ANK3: variants seen among roughly 807,000 people sequenced by gnomAD.
ANK3 encodes the protein ankyrin-3.
In ANK3, 57 loss-of-function variants were observed where a neutral mutation model predicts 370.9. That is an observed-to-expected ratio of 0.15 (90% CI 0.12 to 0.19). The LOEUF (loss-of-function observed/expected upper bound fraction) is 0.19. Ranked by LOEUF, ANK3 falls within the 10% of genes least tolerant of loss-of-function variation. The pLI is 1.00. For synonymous variants in ANK3, 1,929 were observed against 1,946.3 expected, an observed-to-expected ratio of 0.99 and a Z score of 0.23; for missense variants, 4,439 against 5,302.1, an observed-to-expected ratio of 0.84 and a Z score of 5.06.
Position 60,548,398 on chromosome 10 carries a change from TTTG to T in ANK3, c.96+66785_96+66787del, listed in dbSNP as rs898498838. ...AGCTATTTTGTGTGTGCGTGTTTTT[TTTG>T]TTGTTGTTTGTTTGTTTGTTTGTTT... is the stretch of plus-strand genomic sequence containing the variant. On this transcript the variant is annotated intron_variant, in intron 2 of 43. Transcript: ENST00000373827. 5.3e-5 allele frequency among the ~76,000 whole-genome samples: 8 copies of T among 151,706 alleles called. 1 individual carries two copies. The South Asian group carries it at 1.7e-3, about 32-fold the overall frequency.
chr10:60,698,570 C>A (rs2079498388), intron 1 of ANK3, among the ~76,000 whole-genome samples: 1 of 148,060 alleles, frequency 6.8e-6, no homozygotes, highest in South Asian at 2.2e-4. Context: ...TACTATGCAG[C>A]CATAAAAAAT....
intron 1 of ANK3, among the ~76,000 whole-genome samples, chr10:60,711,428 T>C (rs1419100800): frequency 2.6e-5 from 4 of 151,762 alleles, no homozygotes; most frequent in Admixed American, 2.0e-4. Context: ...GTAACAGATA[T>C]GAAGAATGCC....
rs539982860 is a variant in ANK3 at position 60,330,432 on chromosome 10, A to G, written c.115-50793T>C. On this transcript the variant is annotated intron_variant, in intron 1 of 43. Transcript: ENST00000280772. ...ATCTACAAAGAACTTAAACAAACTT[A>G]CAAGAAAATAAATCAAAAAGCAGGC... Among the ~76,000 whole-genome samples, 143 of 152,352 alleles carry G rather than the reference A, an allele frequency of 9.4e-4. 2 individuals are homozygous for G. Among genetic ancestry groups the G allele is most frequent in the African/African-American group, 3.3e-3 (139 of 41,582 alleles).
At chr10:60,502,151 T>C (rs2075817378) in intron 2 of ANK3, among the ~76,000 whole-genome samples, 1 of 152,190 alleles carries the variant, frequency 6.6e-6, no homozygotes, top group Non-Finnish European at 1.5e-5. Flanking sequence ...CAAAGCTGTC[T>C]GAAGCCTCAA....
At chr10:60,467,476 C>A (rs763911486) in intron 2 of ANK3, among the ~76,000 whole-genome samples, 1 of 152,148 alleles carries the variant, frequency 6.6e-6, no homozygotes, top group Non-Finnish European at 1.5e-5. Flanking sequence ...AGGCTCCATT[C>A]TTTACAGAAG....
At chr10:60,308,187 A>G (rs1767608807) in intron 1 of ANK3, among the ~76,000 whole-genome samples, 1 of 152,148 alleles carries the variant, frequency 6.6e-6, no homozygotes, top group Non-Finnish European at 1.5e-5. Flanking sequence ...TCATTAGAAC[A>G]TATTCTACTT....
At chr10:60,627,923 C>A (rs942538165) in intron 1 of ANK3, among the ~76,000 whole-genome samples, 3 of 152,144 alleles carry the variant, frequency 2.0e-5, no homozygotes, top group Non-Finnish European at 4.4e-5. Context: ...TGTTTGAGAT[C>A]ACAGAGCTAG....
chr10:60,197,450 C>A (rs1477066308), intron 14 of ANK3, among the ~76,000 whole-genome samples: 1 of 152,112 alleles, frequency 6.6e-6, no homozygotes, highest in Non-Finnish European at 1.5e-5. Context: ...CTACAGCAAA[C>A]TAAAAGGAAT....
At chr10:60,489,386 ATATTT>A (rs2075433932) in intron 2 of ANK3, among the ~76,000 whole-genome samples, 1 of 152,346 alleles carries the variant, frequency 6.6e-6, no homozygotes, top group South Asian at 2.1e-4. Context: ...GTATTACATT[ATATTT>A]TATTTATTAT....
intron 1 of ANK3, among the ~76,000 whole-genome samples, chr10:60,361,625 G>C (rs2058622552): frequency 6.6e-6 from 1 of 152,132 alleles, no homozygotes; most frequent in Admixed American, 6.5e-5. Flanking sequence ...TTGTAGTCAG[G>C]GATATCATTC....
intron 35 of ANK3, chr10:60,081,943 T>C: frequency 2.4e-6 from 1 of 411,588 alleles, no homozygotes; most frequent in Non-Finnish European, 4.3e-6. Flanking sequence ...AGCTGAATTA[T>C]AATTTCGTTG....
At chr10:60,185,472 TA>T (rs1193622094) in intron 17 of ANK3, among the ~76,000 whole-genome samples, 3 of 152,240 alleles carry the variant, frequency 2.0e-5, no homozygotes, top group Non-Finnish European at 4.4e-5. Context: ...ATAACTTGCC[TA>T]AATGACACAG....
intron 2 of ANK3, among the ~76,000 whole-genome samples, chr10:60,587,832 T>C (rs1015022008): frequency 6.6e-6 from 1 of 152,196 alleles, no homozygotes; most frequent in Non-Finnish European, 1.5e-5. Context: ...AAATTGTTGA[T>C]AAAAGCAAGT....
intron 1 of ANK3, among the ~76,000 whole-genome samples, chr10:60,678,142 A>G (rs2079150589): frequency 6.6e-6 from 1 of 152,254 alleles, no homozygotes; most frequent in Non-Finnish European, 1.5e-5. Context: ...AGGCAATGAT[A>G]AAAGCTCTAA....
intron 7 of ANK3, among the ~76,000 whole-genome samples, chr10:60,246,309 TGTAA>T (rs1302424023): frequency 6.7e-6 from 1 of 150,268 alleles, no homozygotes; most frequent in Non-Finnish European, 1.5e-5. Context: ...TGATCACCAT[TGTAA>T]GTTTTTTTTT....
chr10:60,560,742 G>A (rs573758049), intron 2 of ANK3, among the ~76,000 whole-genome samples: 1 of 152,250 alleles, frequency 6.6e-6, no homozygotes, highest in East Asian at 1.9e-4. Flanking sequence ...GGGGGATAGG[G>A]ATGAGAACCC....
At chr10:60,707,489 T>C (rs1457990943) in intron 1 of ANK3, among the ~76,000 whole-genome samples, 1 of 152,054 alleles carries the variant, frequency 6.6e-6, no homozygotes, top group Non-Finnish European at 1.5e-5. Context: ...TAATAATTAA[T>C]AGAATGTGGC....
At position 60,283,372 on chromosome 10, in the gene ANK3, C is replaced by A. The variant is rs568817301; in HGVS notation, c.115-3733G>T. 5.9e-5 allele frequency among the ~76,000 whole-genome samples: 9 copies of A among 152,072 alleles called. No homozygotes were observed. The South Asian group carries it at 1.9e-3, about 32-fold the overall frequency. On this transcript the variant is annotated intron_variant, in intron 1 of 43. Transcript: ENST00000280772. ...TTGATAACCTTGTATCAAAATAATG[C>A]CTCTTTTGATGCTATATCTAAGATG... is the stretch of plus-strand genomic sequence containing the variant.
At chr10:60,083,955 A>G (rs1357952150) in intron 32 of ANK3, 1 of 172,394 alleles carries the variant, frequency 5.8e-6, no homozygotes, top group Non-Finnish European at 1.2e-5. Flanking sequence ...TTAGATACTT[A>G]CATGCTCACT....
Sources: gnomAD v4.1 joint callset for allele counts (sites outside exome capture counted in the v4.1 genomes callset) on GRCh38, gnomAD v4.1.1 for gene constraint, MANE v1.5 for transcripts, NCBI Gene and HGNC (gene_info 2026-07-23, HGNC 2026-07-21) for gene names.